RTTN: variants seen among roughly 807,000 people sequenced by gnomAD.
RTTN encodes the protein rotatin.
RTTN carries 182 observed loss-of-function variants against 269.2 expected under a neutral mutation model. That is an observed-to-expected ratio of 0.68 (90% CI 0.60 to 0.76). The LOEUF is 0.76. Among genes scored for constraint, RTTN ranks in the 30% least tolerant of loss-of-function variants. RTTN has a pLI of 0.00. For synonymous variants in RTTN, 1,006 were observed against 963.5 expected (o/e 1.04, Z -0.82); for missense variants, 2,545 against 2,608.6 (o/e 0.98, Z 0.53).
In RTTN at chr18:70,134,900, C is replaced by T. The variant is rs549542540; in HGVS notation, c.2885+284G>A. Among the ~76,000 whole-genome samples the T allele has an allele frequency of 8.6e-5, 13 of 152,028 alleles. No individual in the cohort carries two copies. The South Asian group carries it at 1.7e-3, about 19-fold the overall frequency. ...AAATCATGAAATATTAAGAAAAAAA[C>T]ACATAGTTGAAGGTATGTACTAAAA... On this transcript the variant is annotated intron_variant, in intron 22 of 48. Coordinates refer to ENST00000640769, the MANE Select transcript of RTTN (RefSeq NM_173630.4).
intron 38 of RTTN, 46 bp downstream of exon 38, chr18:70,054,085 C>T (rs1379435773): frequency 2.0e-6 from 3 of 1,486,782 alleles, no homozygotes; most frequent in Admixed American, 1.9e-5. Context: ...GTTTTTTTTC[C>T]TCAGTATTAT....
intron 40 of RTTN, among the ~76,000 whole-genome samples, chr18:70,033,588 A>C (rs1175966439): frequency 2.0e-5 from 3 of 152,216 alleles, no homozygotes; most frequent in Non-Finnish European, 4.4e-5. Flanking sequence ...TTAACAGGAA[A>C]ATTTTGAGCG....
rs747938327 is a variant in RTTN, at chr18:70,142,396, C to CA, written c.2482-10dup. ...TTTTCAACAGTCTCCAACTACAAACCAAAAAAAAAAAAAAACCAAAATTAC... is the reference window on the plus strand; with the variant it reads ...TTTTCAACAGTCTCCAACTACAAACCAAAAAAAAAAAAAAAACCAAAATTAC... On this transcript the variant is annotated splice_polypyrimidine_tract_variant and intron_variant, in intron 18 of 48. Coordinates refer to ENST00000640769, the MANE Select transcript of RTTN (RefSeq NM_173630.4). 3,831 of 1,003,226 alleles carry CA rather than the reference C, an allele frequency of 3.8e-3. No homozygotes were observed. Among genetic ancestry groups the CA allele is most frequent in the African/African-American group, 0.024 (1,163 of 48,614 alleles). The allele number at this position is 1,003,226 out of a possible 1,614,324, so 62.1% of individuals were successfully genotyped here.
At position 70,073,944 on chromosome 18, in the gene RTTN, C is replaced by T. The variant is rs201473797; in HGVS notation, c.4615G>A (p.Asp1539Asn). The change falls in exon 34 of 49, where the codon GAT becomes AAT. Residue 1539 changes from aspartate to asparagine, a missense_variant. Physicochemically the swap from Asp to Asn is conservative, Grantham distance 23 (BLOSUM62 1). Coordinates refer to ENST00000640769, the MANE Select transcript of RTTN (RefSeq NM_173630.4). ...FWRAPSRTSQ[D>N]RDPSSLSTSE... The stretch of plus-strand genomic sequence containing the variant: ...GTGGAGAGAGAACTTGGATCTCGAT[C>T]CTGACTTGTCCTAGATGGAGCCCTC... The T allele has an allele frequency of 1.3e-4, 215 of 1,611,926 alleles. No individual in the cohort carries two copies. In the African/African-American group the frequency reaches 2.5e-3, roughly 19 times the overall value.
At chr18:70,076,856 C>A (rs2058441358) in intron 32 of RTTN, among the ~76,000 whole-genome samples, 1 of 151,534 alleles carries the variant, frequency 6.6e-6, no homozygotes, top group South Asian at 2.1e-4. Context: ...GTACTGGCGC[C>A]CTTTAATACA....
At chr18:70,051,242 TG>T (rs1159215190) in intron 39 of RTTN, among the ~76,000 whole-genome samples, 168 bp downstream of exon 39, 1 of 152,212 alleles carries the variant, frequency 6.6e-6, no homozygotes, top group African/African-American at 2.4e-5. Flanking sequence ...AATGCATTTT[TG>T]GGGGGCTCAA....
At chr18:70,148,136 T>C (rs1332250672) in intron 17 of RTTN, among the ~76,000 whole-genome samples, 1 of 152,178 alleles carries the variant, frequency 6.6e-6, no homozygotes, top group Non-Finnish European at 1.5e-5. Context: ...ATTTTCCTGA[T>C]GTAAGGTTTG....
intron 46 of RTTN, among the ~76,000 whole-genome samples, chr18:70,011,424 G>C (rs1215926616): frequency 2.0e-5 from 3 of 152,156 alleles, no homozygotes; most frequent in Non-Finnish European, 4.4e-5. Context: ...GGGATGCAAG[G>C]CTGGTTCAAC....
chr18:70,201,349 T>C (rs1483086045), intron 4 of RTTN, among the ~76,000 whole-genome samples: 2 of 151,834 alleles, frequency 1.3e-5, no homozygotes, highest in Non-Finnish European at 2.9e-5. Flanking sequence ...ACGCCTGTAA[T>C]CCCAGCACTT....
chr18:70,120,610 G>A lies in RTTN; in HGVS notation c.3528+946C>T, dbSNP rs375551856. ...CTTATTTGTGTAAAGCTTTATCTTA[G>A]CTAAGTTGAGTAAATTCATACGGTA... On this transcript the variant is annotated intron_variant, in intron 26 of 48. Transcript: ENST00000640769. Among the ~76,000 whole-genome samples the A allele has an allele frequency of 1.7e-4, 26 of 152,058 alleles. No homozygotes were observed. In the East Asian group the frequency reaches 3.1e-3, roughly 18 times the overall value.
rs766113844 is a variant in RTTN, at chr18:70,017,461, TAAG to T, written c.6364_6366del (p.Leu2122del). ...GGACTGAAGCAAACATTATGAAAGA[TAAG>T]AAGAGGCAATAAAGGGCTGCTCTTG... On this transcript the variant is annotated inframe_deletion, in exon 46 of 49. Transcript: ENST00000640769. 4 of 1,614,042 alleles carry T rather than the reference TAAG, an allele frequency of 2.5e-6. No individual in the cohort carries two copies. In the East Asian group the frequency reaches 8.9e-5, roughly 36 times the overall value.
In RTTN at chr18:70,039,692, ACTACT is replaced by A. The variant is rs565164982; in HGVS notation, c.5541+8274_5541+8278del. ...GTAACACTGTAATGGTGTTGTGTAA[ACTACT>A]CTTATCTTAAGTAGAGAGTCTAAAT... On this transcript the variant is annotated intron_variant, in intron 40 of 48. Coordinates refer to ENST00000640769, the MANE Select transcript of RTTN (RefSeq NM_173630.4). 2.9e-3 allele frequency among the ~76,000 whole-genome samples: 444 copies of A among 152,314 alleles called. 4 individuals are homozygous for A. Among genetic ancestry groups the A allele is most frequent in the Middle Eastern group, 0.01 (3 of 294 alleles).
chr18:70,137,220 G>A lies in RTTN; in HGVS notation c.2789-1940C>T, dbSNP rs115449321. Among the ~76,000 whole-genome samples, 783 of 152,172 alleles carry A rather than the reference G, an allele frequency of 5.1e-3. 7 individuals carry two copies. The highest frequency in any genetic ancestry group is 0.018 in the African/African-American group (730 of 41,532). On this transcript the variant is annotated intron_variant, in intron 21 of 48. Coordinates refer to ENST00000640769, the MANE Select transcript of RTTN (RefSeq NM_173630.4). Reference sequence around the variant, plus strand: ...AAACAAACAAAGGTAAGGAAGTTTCGATTCTCTCTCAGTAGCAAAGTAAAT... The same window carrying A: ...AAACAAACAAAGGTAAGGAAGTTTCAATTCTCTCTCAGTAGCAAAGTAAAT...
At position 70,075,429 on chromosome 18, in the gene RTTN, T is replaced by C. The variant is rs575413350; in HGVS notation, c.4487A>G (p.His1496Arg). 8 of 1,608,206 alleles carry C rather than the reference T, an allele frequency of 5.0e-6. No homozygotes were observed. In the Admixed American group the frequency reaches 8.5e-5, roughly 17 times the overall value. The change falls in exon 33 of 49, where the codon CAT becomes CGT. Residue 1496 changes from histidine to arginine, a missense_variant. Physicochemically the swap from His to Arg is conservative, Grantham distance 29. Transcript: ENST00000640769. Reference protein sequence around the residue: ...FYEHLNQMVKHCYLGRCMFDL... With the variant: ...FYEHLNQMVKRCYLGRCMFDL... ...AAACATACACCGTCCTAGGTAACAA[T>C]GCTTTACCATCTGATTCAAATGTTC...
chr18:70,094,630 T>G (rs989441296), intron 28 of RTTN, among the ~76,000 whole-genome samples: 1 of 152,194 alleles, frequency 6.6e-6, no homozygotes, highest in Non-Finnish European at 1.5e-5. Context: ...CTAATTTGAT[T>G]CCACTGTGGT....
At position 70,095,115 on chromosome 18, in the gene RTTN, T is replaced by C. The variant is rs553882974; in HGVS notation, c.3904-2311A>G. Among the ~76,000 whole-genome samples the C allele has an allele frequency of 1.1e-4, 14 of 124,028 alleles. 1 individual carries two copies. Among genetic ancestry groups the C allele is most frequent in the East Asian group, 5.6e-4 (2 of 3,584 alleles). The allele number at this position is 124,028 out of a possible 152,430, so 81.4% of individuals were successfully genotyped here. ...AAATCTGTTTTATCAGTGATGAAAA[T>C]TGCAACTCCTGCTTTTTTTTTTCTT... On this transcript the variant is annotated intron_variant, in intron 28 of 48. Coordinates refer to ENST00000640769, the MANE Select transcript of RTTN (RefSeq NM_173630.4).
At chr18:70,122,866 T>C (rs77495277) in intron 25 of RTTN, among the ~76,000 whole-genome samples, 8,980 of 152,200 alleles carry the variant, frequency 0.059, 321 homozygotes, top group East Asian at 0.11. Flanking sequence ...ACAAAGATTA[T>C]AAGAAGTCTT....
intron 30 of RTTN, among the ~76,000 whole-genome samples, chr18:70,090,808 C>A (rs2058824786): frequency 6.6e-6 from 1 of 152,120 alleles, no homozygotes; most frequent in South Asian, 2.1e-4. Context: ...TTGAAGACAG[C>A]CAAAGGGGTG....
chr18:70,169,997 T>C (rs1383564539), intron 11 of RTTN, among the ~76,000 whole-genome samples: 1 of 152,176 alleles, frequency 6.6e-6, no homozygotes, highest in African/African-American at 2.4e-5. Context: ...ATGAATATAG[T>C]TGCTAAATGA....
Sources: gnomAD v4.1 joint callset for allele counts (sites outside exome capture counted in the v4.1 genomes callset) on GRCh38, gnomAD v4.1.1 for gene constraint, MANE v1.5 for transcripts, NCBI Gene and HGNC (gene_info 2026-07-23, HGNC 2026-07-21) for gene names.